The following SDK1 variants were observed in gnomAD, a reference collection of about 807,000 sequenced individuals.
SDK1 encodes the protein protein sidekick-1.
In SDK1, 157 loss-of-function variants were observed where a neutral mutation model predicts 245.5. The observed-to-expected ratio is 0.64, with a 90% CI of 0.56 to 0.73. The LOEUF is 0.73. Ranked by LOEUF, SDK1 falls within the 30% of genes least tolerant of loss-of-function variation. The pLI, the probability that SDK1 is intolerant of heterozygous loss-of-function variation, is 0.00. For synonymous variants in SDK1, 1,647 were observed against 1,278.5 expected, an observed-to-expected ratio of 1.29 and a Z score of -6.15; for missense variants, 3,583 against 3,002.3, an observed-to-expected ratio of 1.19 and a Z score of -4.52.
At chr7:4,185,598 C>G (rs1006385425) in intron 35 of SDK1, among the ~76,000 whole-genome samples, 2 of 152,172 alleles carry the variant, frequency 1.3e-5, no homozygotes, top group Non-Finnish European at 1.5e-5. Flanking sequence ...TGCATCCACG[C>G]GAGCCCTTGG....
rs139066663 is a variant in SDK1, at chr7:4,178,537, C to T, written c.5049C>T (p.Ile1683=). 1.5e-3 allele frequency: 2,340 copies of T among 1,613,722 alleles called. 2 individuals are homozygous for T. The highest frequency in any genetic ancestry group is 1.8e-3 in the African/African-American group (134 of 75,050). The change falls in exon 35 of 45, where the codon ATC becomes ATT. Residue 1683 remains isoleucine, a synonymous_variant. Transcript: ENST00000404826. ...YEVIMTAYNI[I]GESPASAPVE... ...TAATAATGACCGCCTATAACATCATCGGCGAGAGCCCAGCCAGCGCGCCCG... is the reference window on the plus strand; with the variant it reads ...TAATAATGACCGCCTATAACATCATTGGCGAGAGCCCAGCCAGCGCGCCCG...
chr7:3,769,745 G>C (rs1780353154), intron 4 of SDK1, among the ~76,000 whole-genome samples: 2 of 151,964 alleles, frequency 1.3e-5, no homozygotes, highest in Non-Finnish European at 1.5e-5. Context: ...GGTAGGTTAG[G>C]GGTTAGGAGT....
chr7:3,795,621 G>T (rs372752787), intron 4 of SDK1, among the ~76,000 whole-genome samples: 1 of 151,894 alleles, frequency 6.6e-6, no homozygotes, highest in Non-Finnish European at 1.5e-5. Flanking sequence ...CTTATTTATC[G>T]TGAAGAGTTA....
intron 14 of SDK1, among the ~76,000 whole-genome samples, chr7:4,004,631 A>G (rs1009191604): frequency 6.6e-5 from 10 of 152,210 alleles, no homozygotes; most frequent in African/African-American, 2.4e-4. Flanking sequence ...AACCAGTAAC[A>G]TTTTAACCAT....
At chr7:4,243,645 C>A (rs899643216) in intron 43 of SDK1, among the ~76,000 whole-genome samples, 1 of 151,984 alleles carries the variant, frequency 6.6e-6, no homozygotes, top group African/African-American at 2.4e-5. Context: ...TTCACTCTCA[C>A]GAGAACAGCA....
chr7:4,171,837 A>G (rs759126781), intron 32 of SDK1, among the ~76,000 whole-genome samples: 5 of 152,258 alleles, frequency 3.3e-5, no homozygotes, highest in Non-Finnish European at 5.9e-5. Flanking sequence ...GCAAGCCCGC[A>G]GGATGGATAC....
intron 1 of SDK1, among the ~76,000 whole-genome samples, chr7:3,384,004 T>C (rs1012485354): frequency 2.0e-5 from 3 of 152,230 alleles, no homozygotes; most frequent in Non-Finnish European, 2.9e-5. Context: ...ATTATCCTTA[T>C]AGAACTACTG....
chr7:3,857,448 C>T (rs999972085), intron 5 of SDK1, among the ~76,000 whole-genome samples: 6 of 152,070 alleles, frequency 3.9e-5, no homozygotes, highest in Admixed American at 3.9e-4. Flanking sequence ...TTTGGGAGGA[C>T]ATGGCAGGGG....
intron 1 of SDK1, among the ~76,000 whole-genome samples, chr7:3,478,164 C>T (rs1024010792): frequency 1.3e-5 from 2 of 151,966 alleles, no homozygotes; most frequent in Non-Finnish European, 2.9e-5. Context: ...GGGAAAATAT[C>T]CCTCATTATT....
intron 5 of SDK1, among the ~76,000 whole-genome samples, chr7:3,838,085 G>A (rs1202859658): frequency 1.3e-5 from 2 of 152,208 alleles, no homozygotes; most frequent in Non-Finnish European, 2.9e-5. Flanking sequence ...CACTCCCTTA[G>A]CAAGTATAGC....
At chr7:4,230,449 G>A (rs662826) in intron 40 of SDK1, among the ~76,000 whole-genome samples, 40,323 of 135,696 alleles carry the variant, frequency 0.3, 6,450 homozygotes, top group African/African-American at 0.37. Context: ...CACAGGAGGA[G>A]AGGGAAGGGG....
chr7:4,162,369 G>GTTGTTGTTATTATTATTATTA, intron 32 of SDK1, among the ~76,000 whole-genome samples: 1 of 128,382 alleles, frequency 7.8e-6, no homozygotes, highest in East Asian at 2.3e-4. Context: ...TGTTGTTGTT[G>GTTGTTGTTATTATTATTATTA]TTATTATTAT....
At position 4,206,614 on chromosome 7, in the gene SDK1, G is replaced by A. The variant is rs372370715; in HGVS notation, c.5214+620G>A. Among the ~76,000 whole-genome samples, 11 of 152,282 alleles carry A rather than the reference G, an allele frequency of 7.2e-5. No homozygotes were observed. The East Asian group carries it at 7.7e-4, about 11-fold the overall frequency. ...CAGCAGGCCATGACAGGAGAGCGTC[G>A]AGTGAGGAATCATTATGTGGGGCTG... On this transcript the variant is annotated intron_variant, in intron 36 of 44. Transcript: ENST00000404826.
chr7:3,548,631 T>C (rs1222738583), intron 1 of SDK1, among the ~76,000 whole-genome samples: 4 of 152,236 alleles, frequency 2.6e-5, no homozygotes, highest in African/African-American at 9.6e-5. Context: ...GCACCCAGGC[T>C]TTTGAAATAA....
At chr7:3,629,183 C>G (rs1304161238) in intron 2 of SDK1, among the ~76,000 whole-genome samples, 1 of 151,302 alleles carries the variant, frequency 6.6e-6, no homozygotes. Flanking sequence ...CGCCTGTAGT[C>G]CCATCTACTC....
chr7:3,673,920 C>T (rs1783803899), intron 4 of SDK1, among the ~76,000 whole-genome samples: 1 of 152,042 alleles, frequency 6.6e-6, no homozygotes, highest in South Asian at 2.1e-4. Context: ...AAACCCAAAG[C>T]AAATTTTATT....
Position 3,986,241 on chromosome 7 carries a change from G to A in SDK1, c.1995-945G>A, listed in dbSNP as rs150189001. On this transcript the variant is annotated intron_variant, in intron 13 of 44. Coordinates refer to ENST00000404826, the MANE Select transcript of SDK1 (RefSeq NM_152744.4). ...AGTAACTTATTTAAAGAATTTATTC[G>A]CTTTAATTGCATTTCCATTTCATAG... Among the ~76,000 whole-genome samples the A allele has an allele frequency of 1.1e-4, 17 of 151,422 alleles. No homozygotes were observed. The East Asian group carries it at 1.4e-3, about 12-fold the overall frequency.
At chr7:4,231,048 T>C (rs1785728338) in intron 40 of SDK1, among the ~76,000 whole-genome samples, 1 of 152,094 alleles carries the variant, frequency 6.6e-6, no homozygotes, top group African/African-American at 2.4e-5. Context: ...AGAGGAGGCC[T>C]GAACAGAGTA....
chr7:3,629,169 C>T (rs1338321355), intron 2 of SDK1, among the ~76,000 whole-genome samples: 13 of 151,202 alleles, frequency 8.6e-5, no homozygotes, highest in East Asian at 2.0e-4. Flanking sequence ...GGCATGGTGG[C>T]GGGCGCCTGT....
Sources: allele counts gnomAD v4.1 joint callset (sites outside exome capture counted in the v4.1 genomes callset), GRCh38; gene constraint gnomAD v4.1.1; transcripts MANE v1.5; gene names NCBI Gene and HGNC (gene_info 2026-07-23, HGNC 2026-07-21).